RAD51B: variants seen among roughly 807,000 people sequenced by gnomAD.
The protein encoded by RAD51B is RAD51 paralog B.
Under a neutral mutation model 42.2 loss-of-function variants are expected in RAD51B, and 38 were observed. That is an observed-to-expected ratio of 0.90 (90% confidence interval 0.70 to 1.18). The LOEUF is 1.18. Ranked by LOEUF, RAD51B falls within the 50% of genes most tolerant of loss-of-function variation. The probability of loss-of-function intolerance (pLI) is 0.00; values close to 1 mark genes in which losing one functional copy is unlikely to be tolerated. For synonymous variants in RAD51B, 154 were observed against 145.2 expected, an observed-to-expected ratio of 1.06 and a Z score of -0.43; for missense variants, 373 against 400.7, an observed-to-expected ratio of 0.93 and a Z score of 0.59.
chr14:68,514,153 T>C (rs1001097470), intron 10 of RAD51B, among the ~76,000 whole-genome samples: 5 of 152,354 alleles, frequency 3.3e-5, no homozygotes, highest in African/African-American at 9.6e-5. Context: ...TTTTCTGATA[T>C]GTAAAATGGG....
intron 10 of RAD51B, chr14:68,540,363 A>C: frequency 9.5e-7 from 1 of 1,051,222 alleles, no homozygotes; most frequent in Non-Finnish European, 1.1e-6. Flanking sequence ...AATTGAGATA[A>C]GGTCCACTTA....
chr14:68,490,569 A>C (rs1399037553), intron 10 of RAD51B, among the ~76,000 whole-genome samples: 1 of 152,248 alleles, frequency 6.6e-6, no homozygotes, highest in Non-Finnish European at 1.5e-5. Flanking sequence ...TTTAAATGCT[A>C]ACTCTTCTCT....
chr14:68,436,744 T>C (rs2085157770), intron 9 of RAD51B, among the ~76,000 whole-genome samples: 1 of 152,152 alleles, frequency 6.6e-6, no homozygotes, highest in African/African-American at 2.4e-5. Context: ...TTCCCTAGTT[T>C]GATGTATTCC....
intron 9 of RAD51B, among the ~76,000 whole-genome samples, chr14:68,433,900 G>T (rs1317664829): frequency 6.6e-6 from 1 of 152,198 alleles, no homozygotes; most frequent in Admixed American, 6.5e-5. Context: ...GGTCTTTGAT[G>T]ATGGTGATGT....
At chr14:68,060,020 G>A (rs1351245280) in intron 7 of RAD51B, among the ~76,000 whole-genome samples, 2 of 152,202 alleles carry the variant, frequency 1.3e-5, no homozygotes, top group African/African-American at 4.8e-5. Context: ...GAAAGGCAGT[G>A]TGATGCCAGA....
rs879496702 is a variant in RAD51B at position 67,822,722 on chromosome 14, GCTCT to G, written c.-2-805_-2-802del. Among the ~76,000 whole-genome samples, 85 of 150,678 alleles carry G rather than the reference GCTCT, an allele frequency of 5.6e-4. 2 individuals are homozygous for G. The highest frequency in any genetic ancestry group is 6.0e-4 in the Admixed American group (9 of 15,064). On this transcript the variant is annotated intron_variant, in intron 1 of 10. Transcript: ENST00000471583. ...GGGGTGACAGAGCCAGACCTGTCTC[GCTCT>G]CTCTCTCTCTCTCTATATATATATT...
At chr14:68,126,899 T>C (rs1173694568) in intron 7 of RAD51B, among the ~76,000 whole-genome samples, 1 of 152,196 alleles carries the variant, frequency 6.6e-6, no homozygotes, top group Non-Finnish European at 1.5e-5. Flanking sequence ...CAATAAAGAC[T>C]TTAAAGTAGC....
intron 7 of RAD51B, among the ~76,000 whole-genome samples, chr14:68,022,014 G>C (rs1373398291): frequency 6.6e-6 from 1 of 152,110 alleles, no homozygotes; most frequent in African/African-American, 2.4e-5. Flanking sequence ...ATTGACTCTT[G>C]AATCAGTTTA....
At chr14:68,134,082 CG>C (rs1216599622) in intron 7 of RAD51B, among the ~76,000 whole-genome samples, 1 of 152,168 alleles carries the variant, frequency 6.6e-6, no homozygotes, top group Non-Finnish European at 1.5e-5. Flanking sequence ...AGAAGCCTCT[CG>C]TGCCACATCC....
At chr14:68,665,349 A>G (rs1182477322) in intron 11 of RAD51B, among the ~76,000 whole-genome samples, 2 of 152,246 alleles carry the variant, frequency 1.3e-5, no homozygotes, top group African/African-American at 4.8e-5. Context: ...GTTTTAAGTT[A>G]AAAGACAAGG....
intron 8 of RAD51B, among the ~76,000 whole-genome samples, chr14:68,371,643 C>A (rs2083267558): frequency 6.6e-6 from 1 of 152,180 alleles, no homozygotes; most frequent in Admixed American, 6.5e-5. Flanking sequence ...GAATTCAAGA[C>A]CAGTTACCTG....
intron 8 of RAD51B, among the ~76,000 whole-genome samples, chr14:68,304,348 C>T (rs978370997): frequency 1.3e-5 from 2 of 152,150 alleles, no homozygotes; most frequent in East Asian, 1.9e-4. Context: ...AACTGAAGTA[C>T]GAAGTATTTC....
intron 10 of RAD51B, among the ~76,000 whole-genome samples, chr14:68,530,461 A>AAC (rs1887223586): frequency 6.7e-6 from 1 of 150,172 alleles, no homozygotes; most frequent in African/African-American, 2.4e-5. Flanking sequence ...AAAAAAAAAA[A>AAC]AAAAAAAAGA....
chr14:68,019,565 G>T (rs1441142001), intron 7 of RAD51B, among the ~76,000 whole-genome samples: 1 of 151,832 alleles, frequency 6.6e-6, no homozygotes, highest in East Asian at 1.9e-4. Flanking sequence ...GTATTTATGA[G>T]ATGCAAAACC....
chr14:68,014,665 C>T (rs7158544), intron 7 of RAD51B, among the ~76,000 whole-genome samples: 39,942 of 151,444 alleles, frequency 0.26, 6,691 homozygotes, highest in African/African-American at 0.47. Context: ...ATTTGAGACT[C>T]ACTTATTTGT....
chr14:68,470,097 CAG>C (rs1034363901), intron 10 of RAD51B, among the ~76,000 whole-genome samples: 35 of 152,290 alleles, frequency 2.3e-4, no homozygotes, highest in African/African-American at 6.3e-4. Context: ...AGTTGGAAAA[CAG>C]GGGAGAAAGT....
In RAD51B at chr14:68,456,202, T is replaced by C. The variant is rs80107919; in HGVS notation, c.958-11970T>C. Among the ~76,000 whole-genome samples the C allele has an allele frequency of 7.9e-3, 1,201 of 152,134 alleles. 37 individuals are homozygous for C. The highest frequency in any genetic ancestry group is 0.046 in the Admixed American group (707 of 15,276). On this transcript the variant is annotated intron_variant, in intron 9 of 10. Coordinates refer to ENST00000471583, the MANE Select transcript of RAD51B (RefSeq NM_133510.4). ...AAAGGAAATACACACAGAAAACAAA[T>C]AGCAAAATGGCAGGCATATATCCTA... is the stretch of plus-strand genomic sequence containing the variant.
chr14:68,554,250 A>G (rs1366033484), intron 10 of RAD51B, among the ~76,000 whole-genome samples: 1 of 152,216 alleles, frequency 6.6e-6, no homozygotes, highest in Non-Finnish European at 1.5e-5. Flanking sequence ...GTTGGAAAAC[A>G]AAAGTCTCAA....
intron 7 of RAD51B, among the ~76,000 whole-genome samples, chr14:68,262,025 G>C (rs1451626815): frequency 6.6e-6 from 1 of 151,100 alleles, no homozygotes; most frequent in East Asian, 1.9e-4. Flanking sequence ...GGGGTTGGTA[G>C]AGTTTGTAAA....
Sources: gnomAD v4.1 joint callset for allele counts (sites outside exome capture counted in the v4.1 genomes callset) on GRCh38, gnomAD v4.1.1 for gene constraint, MANE v1.5 for transcripts, NCBI Gene and HGNC (gene_info 2026-07-23, HGNC 2026-07-21) for gene names.